Variants in NFASC observed in about 807,000 individuals in gnomAD.
The protein encoded by NFASC is neurofascin homolog.
Under a neutral mutation model 147.5 loss-of-function variants are expected in NFASC, and 43 were observed. The observed-to-expected ratio is 0.29, with a 90% CI of 0.23 to 0.38. The LOEUF is 0.38. NFASC is among the 10% of genes least tolerant of loss of function. The pLI, the probability that NFASC is intolerant of heterozygous loss-of-function variation, is 1.00. For missense variants in NFASC, 1,320 were observed against 1,689.0 expected, an observed-to-expected ratio of 0.78 and a Z score of 3.83; for synonymous variants, 622 against 665.5, an observed-to-expected ratio of 0.93 and a Z score of 1.01.
intron 1 of NFASC, among the ~76,000 whole-genome samples, chr1:204,890,205 A>G (rs2082106308): frequency 6.6e-6 from 1 of 152,106 alleles, no homozygotes; most frequent in Admixed American, 6.5e-5. Context: ...CCCCTGGGTA[A>G]CACCTATCCC....
intron 1 of NFASC, among the ~76,000 whole-genome samples, chr1:204,883,826 C>T (rs1252228651): frequency 2.6e-5 from 4 of 152,194 alleles, no homozygotes; most frequent in Non-Finnish European, 5.9e-5. Context: ...CCTTTACAAG[C>T]CACACAGTGA....
intron 10 of NFASC, 101 bp downstream of exon 10, chr1:204,969,083 A>C (rs1324104087): frequency 9.4e-7 from 1 of 1,065,536 alleles, no homozygotes; most frequent in Non-Finnish European, 1.4e-6. Flanking sequence ...AGTCGGAGAG[A>C]CTTCCAGCCC....
At chr1:204,977,206 C>A in intron 16 of NFASC, 1 of 814,648 alleles carries the variant, frequency 1.2e-6, no homozygotes, top group Non-Finnish European at 1.5e-6. Context: ...CCTCCCGCTC[C>A]ATCCCTGGGT....
intron 8 of NFASC, among the ~76,000 whole-genome samples, chr1:204,964,382 G>A (rs2094838091): frequency 6.6e-6 from 1 of 152,218 alleles, no homozygotes; most frequent in Non-Finnish European, 1.5e-5. Flanking sequence ...CTGAAATTAA[G>A]AAGGACAGAC....
intron 1 of NFASC, among the ~76,000 whole-genome samples, chr1:204,915,323 A>G (rs974750491): frequency 9.8e-5 from 15 of 152,340 alleles, no homozygotes; most frequent in African/African-American, 3.4e-4. Context: ...GCAGTTTTAT[A>G]TGAATGAATA....
At chr1:204,923,435 G>A (rs535512470) in intron 2 of NFASC, among the ~76,000 whole-genome samples, 51 of 152,102 alleles carry the variant, frequency 3.4e-4, no homozygotes, top group African/African-American at 1.1e-3. Flanking sequence ...CTCCCATCAC[G>A]GGAAGCAGAC....
chr1:204,955,623 T>C (rs921147899), intron 7 of NFASC, among the ~76,000 whole-genome samples: 5 of 152,050 alleles, frequency 3.3e-5, no homozygotes, highest in African/African-American at 1.2e-4. Flanking sequence ...CGGACCTCAG[T>C]TTCTTCCCAT....
In NFASC at chr1:204,954,298, C is replaced by T. The variant is rs149736553; in HGVS notation, c.326C>T (p.Pro109Leu). ...LVIDFRSGGR[P>L]EEYEGEYQCF... Reference sequence around the variant, plus strand: ...ATTGACTTCCGCAGTGGCGGGCGGCCGGAGGAATATGAGGGGGAATATCAG... The same window carrying T: ...ATTGACTTCCGCAGTGGCGGGCGGCTGGAGGAATATGAGGGGGAATATCAG... Residue 109 changes from proline to leucine, a missense_variant, in exon 6 of 30, where the codon CCG (proline) becomes CTG (leucine). This residue lies in a region of NFASC where 981 missense variants were observed against 1,289.5 expected (regional missense o/e 0.76). Transcript: ENST00000339876. This position sits in a 1 kb window ranked among gnomAD's most constrained non-coding sequence, Gnocchi z 5.7. The T allele has an allele frequency of 4.3e-6, 7 of 1,613,990 alleles. No individual in the cohort carries two copies. The highest frequency in any genetic ancestry group is 1.3e-5 in the African/African-American group (1 of 74,924).
At chr1:205,001,421 C>T (rs1363429080) in intron 26 of NFASC, 135 bp downstream of exon 26, 1 of 647,914 alleles carries the variant, frequency 1.5e-6, no homozygotes, top group Non-Finnish European at 2.9e-6. Context: ...TTAATTATGG[C>T]TTAATGAAAT....
chr1:204,949,018 C>G (rs904295554), intron 3 of NFASC, among the ~76,000 whole-genome samples: 1 of 152,220 alleles, frequency 6.6e-6, no homozygotes, highest in Non-Finnish European at 1.5e-5. Flanking sequence ...CTCCGGGGAG[C>G]ATGTGTTCAG....
At position 204,893,598 on chromosome 1, in the gene NFASC, G is replaced by A. The variant is rs140888954; in HGVS notation, c.-199-27034G>A. Reference sequence around the variant, plus strand: ...GAAGCAAGATTCCATGGTGAGCCGTGTGTTCTTCATCTTTTTGTTCCCCAA... The same window carrying A: ...GAAGCAAGATTCCATGGTGAGCCGTATGTTCTTCATCTTTTTGTTCCCCAA... On this transcript the variant is annotated intron_variant, in intron 1 of 29. Transcript: ENST00000339876. Among the ~76,000 whole-genome samples, 44 of 152,358 alleles carry A rather than the reference G, an allele frequency of 2.9e-4. No homozygotes were observed. In the East Asian group the frequency reaches 7.5e-3, roughly 26 times the overall value.
In NFASC at chr1:205,017,340, A is replaced by G. The variant is rs1358096883; in HGVS notation, c.*801A>G. 6.5e-6 allele frequency: 1 copy of G among 153,852 alleles called. No individual in the cohort carries two copies. The highest frequency in any genetic ancestry group is 1.4e-5 in the Non-Finnish European group (1 of 69,240). 9.5% of individuals were successfully genotyped at this position (153,852 alleles called of 1,614,324 possible). Reference sequence around the variant, plus strand: ...AATATCTAAGATGTGAGCTGCATTGACTCTGAAGACGTTTGAGGAACAGGA... The same window carrying G: ...AATATCTAAGATGTGAGCTGCATTGGCTCTGAAGACGTTTGAGGAACAGGA... On this transcript the variant is annotated 3_prime_UTR_variant, in exon 30 of 30. Coordinates refer to ENST00000339876, the MANE Select transcript of NFASC (RefSeq NM_001005388.3).
chr1:204,878,448 A>G (rs1046960987), intron 1 of NFASC, among the ~76,000 whole-genome samples: 1 of 152,254 alleles, frequency 6.6e-6, no homozygotes, highest in Non-Finnish European at 1.5e-5. Context: ...CAAATGTGCT[A>G]GAGAAATTTC....
chr1:204,865,947 C>T (rs1358966739), intron 1 of NFASC, among the ~76,000 whole-genome samples: 1 of 152,154 alleles, frequency 6.6e-6, no homozygotes, highest in Non-Finnish European at 1.5e-5. Context: ...TATGGGAGTT[C>T]CATTTGTACC....
At chr1:204,914,539 T>C (rs1019320743) in intron 1 of NFASC, among the ~76,000 whole-genome samples, 1 of 152,194 alleles carries the variant, frequency 6.6e-6, no homozygotes, top group African/African-American at 2.4e-5. Flanking sequence ...CCTTTAGAAA[T>C]TACCCAGTCT....
At chr1:204,922,227 C>G in intron 2 of NFASC, among the ~76,000 whole-genome samples, 1 of 152,258 alleles carries the variant, frequency 6.6e-6, no homozygotes, top group Middle Eastern at 3.4e-3. Context: ...CTATCCCTGT[C>G]CCTCCACAGC....
At position 204,955,099 on chromosome 1, in the gene NFASC, T is replaced by C. The variant is rs1161155671; in HGVS notation, c.535+148T>C. 13 of 960,606 alleles carry C rather than the reference T, an allele frequency of 1.4e-5. No homozygotes were observed. The East Asian group carries it at 3.2e-4, about 23-fold the overall frequency. The allele number at this position is 960,606 out of a possible 1,614,324, so 59.5% of individuals were successfully genotyped here. On this transcript the variant is annotated intron_variant, in intron 7 of 29. Transcript: ENST00000339876. ...TGGCAACCAGGCTGAGAACACAGGC[T>C]CTGCAGAGAGAGGCTGCTTGGGCTT...
rs201009110 is a variant in NFASC at position 204,974,308 on chromosome 1, A to G, written c.1391+18A>G. 8.2e-6 allele frequency: 13 copies of G among 1,589,686 alleles called. No homozygotes were observed. In the African/African-American group the frequency reaches 1.6e-4, roughly 20 times the overall value. ...CTGCGATGGTAAGTTCCAGGAGATC[A>G]GGCCTTCCACAGCAGGGGTCACCTG... On this transcript the variant is annotated intron_variant, in intron 13 of 29. Transcript: ENST00000339876.
At chr1:204,874,609 T>C (rs1418210166) in intron 1 of NFASC, among the ~76,000 whole-genome samples, 1 of 152,244 alleles carries the variant, frequency 6.6e-6, no homozygotes, top group Non-Finnish European at 1.5e-5. Context: ...TGGGTCCTGA[T>C]GGCATCTGCC....
Sources: allele counts gnomAD v4.1 joint callset (sites outside exome capture counted in the v4.1 genomes callset), GRCh38; gene constraint gnomAD v4.1.1; regional missense constraint gnomAD v4.1.1; non-coding constraint Gnocchi (gnomAD v3.1); transcripts MANE v1.5; gene names NCBI Gene and HGNC (gene_info 2026-07-23, HGNC 2026-07-21).